ANKRD11: variants seen among roughly 807,000 people sequenced by gnomAD.
ANKRD11 encodes the protein ankyrin repeat domain 11, also known as ankyrin repeat domain-containing protein 11.
In ANKRD11, 17 loss-of-function variants were observed where a neutral mutation model predicts 195.7. The observed-to-expected ratio is 0.09, with a 90% CI of 0.06 to 0.13. The LOEUF is 0.13. ANKRD11 is among the 10% of genes least tolerant of loss of function. The pLI is 1.00. For synonymous variants in ANKRD11, 1,953 were observed against 1,528.1 expected (o/e 1.28, Z -6.49); for missense variants, 3,735 against 3,566.1 (o/e 1.05, Z -1.21).
intron 1 of ANKRD11, among the ~76,000 whole-genome samples, chr16:89,450,794 G>A (rs780270106): frequency 5.3e-5 from 8 of 152,102 alleles, no homozygotes; most frequent in Non-Finnish European, 1.2e-4. Flanking sequence ...ACCATGCCTG[G>A]CCTGTCAAGA....
intron 1 of ANKRD11, among the ~76,000 whole-genome samples, chr16:89,452,642 T>G (rs2044131599): frequency 6.6e-6 from 1 of 151,846 alleles, no homozygotes; most frequent in African/African-American, 2.4e-5. Flanking sequence ...CCGAGTGTGG[T>G]GGCGGGAGCC....
At chr16:89,397,456 G>C (rs2041491698) in intron 2 of ANKRD11, among the ~76,000 whole-genome samples, 2 of 152,364 alleles carry the variant, frequency 1.3e-5, no homozygotes, top group African/African-American at 4.8e-5. Flanking sequence ...CAGCCACACA[G>C]GGGGACCCAC....
In ANKRD11 at chr16:89,341,889, GCTGCACCTCCA is replaced by G. The variant is rs1382132284; in HGVS notation, c.-59-24822_-59-24812del. Among the ~76,000 whole-genome samples the G allele has an allele frequency of 2.3e-4, 33 of 145,114 alleles. 1 individual carries two copies. The highest frequency in any genetic ancestry group is 8.1e-4 in the African/African-American group (32 of 39,666). On this transcript the variant is annotated intron_variant, in intron 2 of 12. Coordinates refer to ENST00000301030, the MANE Select transcript of ANKRD11 (RefSeq NM_013275.6). Reference sequence around the variant, plus strand: ...AGCGGCCACGGCCCACGGCAGGAGTGCTGCACCTCCACCCACAGCGGCCACGGCCCACGGCG... The same window carrying G: ...AGCGGCCACGGCCCACGGCAGGAGTGCCCACAGCGGCCACGGCCCACGGCG...
At chr16:89,450,580 A>T (rs867903395) in intron 1 of ANKRD11, among the ~76,000 whole-genome samples, 14 of 152,292 alleles carry the variant, frequency 9.2e-5, no homozygotes, top group Admixed American at 2.0e-4. Flanking sequence ...CCAAGCTCTA[A>T]GCCTTTCTTG....
chr16:89,374,717 C>T (rs907862910), intron 2 of ANKRD11, among the ~76,000 whole-genome samples: 1 of 152,112 alleles, frequency 6.6e-6, no homozygotes, highest in Non-Finnish European at 1.5e-5. Flanking sequence ...CAGGTAAGGA[C>T]CAGAAAAAAA....
chr16:89,280,782 C>T lies in ANKRD11; in HGVS notation c.5760G>A (p.Thr1920=), dbSNP rs777204084. ...TGGGCTCCGGGGGGATGATGGCGGC[C>T]GTCGCCTGCTGGTCCTCGGAGGTGT... ...DLDTSEDQQA[T]AAIIPPEPSY... is the part of the protein sequence containing the mutation. Residue 1920 remains threonine, a synonymous_variant, in exon 9 of 13, where the codon ACG becomes ACA. Coordinates refer to ENST00000301030, the MANE Select transcript of ANKRD11 (RefSeq NM_013275.6). 6.8e-6 allele frequency: 11 copies of T among 1,611,294 alleles called. No homozygotes were observed. Among genetic ancestry groups the T allele is most frequent in the Middle Eastern group, 1.6e-4 (1 of 6,062 alleles).
intron 1 of ANKRD11, among the ~76,000 whole-genome samples, chr16:89,477,757 A>C (rs2057306066): frequency 6.6e-6 from 1 of 150,684 alleles, no homozygotes; most frequent in Admixed American, 6.6e-5. Context: ...ACATCACCTG[A>C]GGTCAGGAGT....
At chr16:89,292,186 C>T (rs527685502) in intron 4 of ANKRD11, among the ~76,000 whole-genome samples, 1 of 152,276 alleles carries the variant, frequency 6.6e-6, no homozygotes, top group South Asian at 2.1e-4. Flanking sequence ...ACCAGGAAGA[C>T]GTGGGCCTCT....
At chr16:89,443,261 G>C (rs1057293683) in intron 1 of ANKRD11, 1 of 152,028 alleles carries the variant, frequency 6.6e-6, no homozygotes, top group Non-Finnish European at 1.5e-5. Context: ...CACCTCACCC[G>C]GCCTCAAATG....
chr16:89,478,663 G>A (rs935080634), intron 1 of ANKRD11, among the ~76,000 whole-genome samples: 3 of 152,200 alleles, frequency 2.0e-5, no homozygotes, highest in South Asian at 2.1e-4. Context: ...TCCAGCAGCC[G>A]GCTACGCGCA....
chr16:89,329,867 A>G (rs7193769), intron 2 of ANKRD11, among the ~76,000 whole-genome samples: 6,710 of 152,150 alleles, frequency 0.044, 527 homozygotes, highest in African/African-American at 0.15. Flanking sequence ...TTAGCCGGGC[A>G]TGGTGGTGCG....
At chr16:89,273,622 G>A (rs974013840) in intron 11 of ANKRD11, among the ~76,000 whole-genome samples, 5 of 151,904 alleles carry the variant, frequency 3.3e-5, no homozygotes, top group South Asian at 2.1e-4. Context: ...GCTTGAACCC[G>A]GAAGCCAGAG....
At chr16:89,455,774 T>C (rs2056408324) in intron 1 of ANKRD11, among the ~76,000 whole-genome samples, 1 of 152,146 alleles carries the variant, frequency 6.6e-6, no homozygotes, top group South Asian at 2.1e-4. Flanking sequence ...TTTTGACCTA[T>C]CTGGTAGGAA....
intron 9 of ANKRD11, among the ~76,000 whole-genome samples, chr16:89,275,667 G>C (rs1597414759): frequency 6.6e-6 from 1 of 152,136 alleles, no homozygotes; most frequent in Admixed American, 6.5e-5. Context: ...CGGTGGTCTT[G>C]CAGTGGCTCG....
chr16:89,373,594 G>GC (rs1567715239), intron 2 of ANKRD11: 1 of 152,248 alleles, frequency 6.6e-6, no homozygotes. Flanking sequence ...GAAAACATCG[G>GC]CATGTGACTG....
chr16:89,278,946 T>C (rs1448296578), intron 9 of ANKRD11, 126 bp downstream of exon 9: 4 of 1,435,312 alleles, frequency 2.8e-6, no homozygotes, highest in African/African-American at 1.4e-5. Context: ...TCTCCTCAGG[T>C]GGCAGAAGGT....
rs2034598549 is a variant in ANKRD11, at chr16:89,285,670, G to A, written c.893-21C>T. The A allele has an allele frequency of 6.2e-7, 1 of 1,613,280 alleles. No homozygotes were observed. Among genetic ancestry groups the A allele is most frequent in the South Asian group, 1.1e-5 (1 of 91,078 alleles). ...GCTCTCTGTTGGAGGTAGGAAGCGAGAGGTCACAGGCAGGCTCAAAACAGC... is the reference window on the plus strand; with the variant it reads ...GCTCTCTGTTGGAGGTAGGAAGCGAAAGGTCACAGGCAGGCTCAAAACAGC... On this transcript the variant is annotated intron_variant, in intron 8 of 12. Coordinates refer to ENST00000301030, the MANE Select transcript of ANKRD11 (RefSeq NM_013275.6). The surrounding 1 kb of genome is among the most constrained non-coding windows in gnomAD (Gnocchi z 5.6).
At chr16:89,275,288 C>T (rs1011997779) in intron 9 of ANKRD11, 97 bp from the exon 10 acceptor site, 2 of 1,058,448 alleles carry the variant, frequency 1.9e-6, no homozygotes, top group Non-Finnish European at 1.4e-6. Context: ...TCAGCCTCCC[C>T]ACTCCTAGGA....
chr16:89,445,984 A>C lies in ANKRD11; in HGVS notation c.-144-27616T>G, dbSNP rs1330940412. Among the ~76,000 whole-genome samples the C allele has an allele frequency of 2.0e-5, 3 of 148,822 alleles. No individual in the cohort carries two copies. In the South Asian group the frequency reaches 6.5e-4, roughly 32 times the overall value. Reference sequence around the variant, plus strand: ...AACTCCGTCTCAAAAACAAAAACAAAAAAAAAAATTTTTTGTTAAAAAAAA... The same window carrying C: ...AACTCCGTCTCAAAAACAAAAACAACAAAAAAAATTTTTTGTTAAAAAAAA... On this transcript the variant is annotated intron_variant, in intron 1 of 12. Coordinates refer to ENST00000301030, the MANE Select transcript of ANKRD11 (RefSeq NM_013275.6).
Sources: allele counts gnomAD v4.1 joint callset (sites outside exome capture counted in the v4.1 genomes callset), GRCh38; gene constraint gnomAD v4.1.1; non-coding constraint Gnocchi (gnomAD v3.1); transcripts MANE v1.5; gene names NCBI Gene and HGNC (gene_info 2026-07-23, HGNC 2026-07-21).